Variants in CDYL2 observed in about 807,000 individuals in gnomAD.
CDYL2 encodes chromodomain Y like 2.
Under a neutral mutation model 49.4 loss-of-function variants are expected in CDYL2, and 23 were observed. The ratio of observed to expected loss-of-function variants is 0.47; its 90% CI spans 0.34 to 0.66. The LOEUF is 0.66. CDYL2 is among the 30% of genes least tolerant of loss of function. The pLI, the probability that CDYL2 is intolerant of heterozygous loss-of-function variation, is 0.01. For missense variants in CDYL2, 678 were observed against 656.4 expected, an observed-to-expected ratio of 1.03 and a Z score of -0.36; for synonymous variants, 360 against 268.8, an observed-to-expected ratio of 1.34 and a Z score of -3.32.
intron 1 of CDYL2, among the ~76,000 whole-genome samples, chr16:80,692,194 G>A (rs1004709906): frequency 3.9e-5 from 6 of 152,278 alleles, no homozygotes; most frequent in African/African-American, 1.2e-4. Context: ...CTTCACTGAC[G>A]GGGGAAGGAG....
chr16:80,743,363 A>C (rs16953930), intron 1 of CDYL2, among the ~76,000 whole-genome samples: 4,218 of 152,322 alleles, frequency 0.028, 205 homozygotes, highest in African/African-American at 0.098. Flanking sequence ...GAGAGAATTC[A>C]AAAGAAGTCA....
chr16:80,704,461 G>A (rs572778597), intron 1 of CDYL2, among the ~76,000 whole-genome samples: 1 of 152,352 alleles, frequency 6.6e-6, no homozygotes, highest in African/African-American at 2.4e-5. Context: ...TCATGCTCAT[G>A]AAGCACACAG....
intron 2 of CDYL2, among the ~76,000 whole-genome samples, chr16:80,676,961 G>A (rs975934960): frequency 3.6e-5 from 4 of 110,518 alleles, no homozygotes; most frequent in African/African-American, 1.4e-4. Flanking sequence ...CCAATTCAAT[G>A]TATTTTTTTT....
intron 1 of CDYL2, among the ~76,000 whole-genome samples, chr16:80,775,202 T>G (rs966078524): frequency 6.6e-5 from 10 of 151,594 alleles, no homozygotes; most frequent in African/African-American, 2.2e-4. Context: ...AAGAAAACAA[T>G]GGAATATATA....
At chr16:80,615,920 A>G (rs1179106118) in intron 4 of CDYL2, among the ~76,000 whole-genome samples, 1 of 152,192 alleles carries the variant, frequency 6.6e-6, no homozygotes, top group Admixed American at 6.5e-5. Flanking sequence ...AGCAGCAAAC[A>G]GGATATTGCA....
At chr16:80,618,509 G>C (rs574089311) in intron 4 of CDYL2, among the ~76,000 whole-genome samples, 20 of 152,294 alleles carry the variant, frequency 1.3e-4, no homozygotes, top group African/African-American at 4.8e-4. Context: ...GAGAGACTGG[G>C]CGTGCAAAGC....
intron 1 of CDYL2, among the ~76,000 whole-genome samples, chr16:80,733,186 C>T (rs1905393564): frequency 6.6e-6 from 1 of 152,070 alleles, no homozygotes; most frequent in African/African-American, 2.4e-5. Context: ...TAGGAGGAGA[C>T]AAAGAAGTTG....
chr16:80,761,877 A>C (rs1280229813), intron 1 of CDYL2, among the ~76,000 whole-genome samples: 1 of 139,352 alleles, frequency 7.2e-6, no homozygotes, highest in Non-Finnish European at 1.5e-5. Flanking sequence ...ATAAAGGAGA[A>C]AATTAAAAAA....
chr16:80,696,864 T>A (rs372929847), intron 1 of CDYL2, among the ~76,000 whole-genome samples: 2 of 152,276 alleles, frequency 1.3e-5, no homozygotes, highest in South Asian at 4.1e-4. Flanking sequence ...AGGCATGGTG[T>A]CATGCACTTA....
chr16:80,755,836 G>A (rs1420366334), intron 1 of CDYL2, among the ~76,000 whole-genome samples: 3 of 152,168 alleles, frequency 2.0e-5, no homozygotes, highest in African/African-American at 7.2e-5. Flanking sequence ...TGTTAAAACA[G>A]TGGAGACTAT....
intron 2 of CDYL2, among the ~76,000 whole-genome samples, chr16:80,635,854 A>G (rs978540053): frequency 2.6e-5 from 4 of 152,244 alleles, no homozygotes; most frequent in Non-Finnish European, 2.9e-5. Flanking sequence ...TGGTACTGGT[A>G]CCAAAACAGA....
intron 1 of CDYL2, among the ~76,000 whole-genome samples, chr16:80,741,673 T>C (rs1007034535): frequency 3.3e-5 from 5 of 152,164 alleles, no homozygotes; most frequent in African/African-American, 1.2e-4. Flanking sequence ...GATATTTAAA[T>C]TCACCAGTAA....
Position 80,684,577 on chromosome 16 carries a change from A to C in CDYL2, c.577T>G (p.Cys193Gly). Residue 193 changes from cysteine to glycine, a missense_variant, in exon 2 of 7, where the codon TGT (cysteine) becomes GGT (glycine). Cys to Gly is a radical substitution (Grantham distance 159). Around this residue, in one of 3 missense-constraint regions of CDYL2, gnomAD observed 478 missense variants for 427.0 expected, o/e 1.12. Coordinates refer to ENST00000570137, the MANE Select transcript of CDYL2 (RefSeq NM_152342.4). The stretch of plus-strand genomic sequence containing the variant: ...GCCAGTGTAGCGTGATTCACGTCAC[A>C]TTCACCCATATCTTGCTCTCCAACA... ...DHVGEQDMGE[C>G]DVNHATLAEN... The C allele has an allele frequency of 6.2e-7, 1 of 1,614,154 alleles. No individual in the cohort carries two copies. The highest frequency in any genetic ancestry group is 8.5e-7 in the Non-Finnish European group (1 of 1,180,002).
chr16:80,651,065 T>C (rs1003182189), intron 2 of CDYL2, among the ~76,000 whole-genome samples: 1 of 152,178 alleles, frequency 6.6e-6, no homozygotes, highest in African/African-American at 2.4e-5. Flanking sequence ...AGGGTGACTC[T>C]GGTCAATAAT....
chr16:80,765,327 G>A (rs1464840449), intron 1 of CDYL2, among the ~76,000 whole-genome samples: 3 of 151,632 alleles, frequency 2.0e-5, no homozygotes, highest in African/African-American at 7.3e-5. Flanking sequence ...TAAGTTTAAA[G>A]GTTATGACAG....
At chr16:80,773,683 A>T (rs138354737) in intron 1 of CDYL2, among the ~76,000 whole-genome samples, 4 of 152,294 alleles carry the variant, frequency 2.6e-5, no homozygotes, top group African/African-American at 9.6e-5. Flanking sequence ...ATTAAGAAAT[A>T]TACGTCGAAA....
At chr16:80,758,444 A>C (rs1906389976) in intron 1 of CDYL2, among the ~76,000 whole-genome samples, 1 of 152,132 alleles carries the variant, frequency 6.6e-6, no homozygotes. Context: ...TCAAAATCCC[A>C]AATGTGTACA....
At chr16:80,693,168 A>G (rs1272340749) in intron 1 of CDYL2, among the ~76,000 whole-genome samples, 1 of 152,122 alleles carries the variant, frequency 6.6e-6, no homozygotes, top group Non-Finnish European at 1.5e-5. Flanking sequence ...TGCAAAGGCC[A>G]TAAGGAAACT....
intron 1 of CDYL2, among the ~76,000 whole-genome samples, chr16:80,751,391 T>G (rs77831758): frequency 4.3e-4 from 66 of 152,216 alleles, no homozygotes; most frequent in Non-Finnish European, 8.4e-4. Flanking sequence ...CTTGGGTTAT[T>G]TGCCAGCTCT....
Sources: allele counts gnomAD v4.1 joint callset (sites outside exome capture counted in the v4.1 genomes callset), GRCh38; gene constraint gnomAD v4.1.1; regional missense constraint gnomAD v4.1.1; transcripts MANE v1.5; gene names NCBI Gene and HGNC (gene_info 2026-07-23, HGNC 2026-07-21).